TMEM132D: variants seen among roughly 807,000 people sequenced by gnomAD.
TMEM132D encodes mature OL transmembrane protein.
In TMEM132D, 21 loss-of-function variants were observed where a neutral mutation model predicts 62.3. The observed-to-expected ratio is 0.34, with a 90% CI of 0.24 to 0.49. The LOEUF (loss-of-function observed/expected upper bound fraction) is 0.49. TMEM132D is among the 20% of genes least tolerant of loss of function. TMEM132D has a pLI of 0.99. For missense variants in TMEM132D, 1,346 were observed against 1,402.8 expected, an observed-to-expected ratio of 0.96 and a Z score of 0.65; for synonymous variants, 621 against 575.6, an observed-to-expected ratio of 1.08 and a Z score of -1.13.
At chr12:129,336,893 C>G (rs1869299029) in intron 4 of TMEM132D, among the ~76,000 whole-genome samples, 1 of 152,194 alleles carries the variant, frequency 6.6e-6, no homozygotes, top group Non-Finnish European at 1.5e-5. Flanking sequence ...CCACTACTTG[C>G]TCAAGACAAA....
intron 5 of TMEM132D, among the ~76,000 whole-genome samples, chr12:129,102,468 CAT>C (rs1181739035): frequency 4.1e-5 from 6 of 147,500 alleles, no homozygotes; most frequent in South Asian, 4.5e-4. Context: ...CATGCATACA[CAT>C]GTACTCACAC....
chr12:129,310,786 T>G (rs1881953055), intron 4 of TMEM132D, among the ~76,000 whole-genome samples: 1 of 152,192 alleles, frequency 6.6e-6, no homozygotes, highest in African/African-American at 2.4e-5. Flanking sequence ...CCCAATTTAA[T>G]GAGCACTCTG....
At chr12:129,106,132 T>C (rs867240463) in intron 5 of TMEM132D, among the ~76,000 whole-genome samples, 5,100 of 150,692 alleles carry the variant, frequency 0.034, 276 homozygotes, top group African/African-American at 0.12. Context: ...ATGGATGAAA[T>C]TGGAAATCAT....
chr12:129,510,487 T>C (rs1052954372), intron 3 of TMEM132D, among the ~76,000 whole-genome samples: 2 of 152,182 alleles, frequency 1.3e-5, no homozygotes, highest in Admixed American at 6.5e-5. Context: ...TATCTGTCCG[T>C]GTTTGCTTTG....
intron 5 of TMEM132D, chr12:129,110,670 C>G (rs1875667095): frequency 6.6e-6 from 1 of 152,232 alleles, no homozygotes; most frequent in African/African-American, 2.4e-5. Context: ...GGGGAAGGAC[C>G]AAGGATGTGC....
chr12:129,625,486 C>T (rs1210437049), intron 2 of TMEM132D, among the ~76,000 whole-genome samples: 1 of 152,186 alleles, frequency 6.6e-6, no homozygotes, highest in African/African-American at 2.4e-5. Flanking sequence ...AATAAAACCT[C>T]CTGAAGCCCA....
chr12:129,892,141 TGA>T (rs1874944854), intron 1 of TMEM132D, among the ~76,000 whole-genome samples: 1 of 152,230 alleles, frequency 6.6e-6, no homozygotes, highest in South Asian at 2.1e-4. Context: ...AATTTAGCTC[TGA>T]GAGTCCTAAA....
chr12:129,519,184 TG>T (rs1268036944), intron 3 of TMEM132D, among the ~76,000 whole-genome samples: 1 of 152,212 alleles, frequency 6.6e-6, no homozygotes. Flanking sequence ...TGAACTTGGC[TG>T]GGGAAAAACA....
intron 1 of TMEM132D, among the ~76,000 whole-genome samples, chr12:129,845,421 A>G (rs939960833): frequency 2.0e-5 from 3 of 152,234 alleles, no homozygotes; most frequent in African/African-American, 7.2e-5. Context: ...AATAACAACA[A>G]AACCATTCAC....
At chr12:129,824,418 A>G (rs534219719) in intron 1 of TMEM132D, among the ~76,000 whole-genome samples, 31 of 152,308 alleles carry the variant, frequency 2.0e-4, no homozygotes, top group African/African-American at 7.2e-4. Context: ...AGATTGTGTT[A>G]CCGACTCAAT....
At chr12:129,141,529 T>G (rs1293650880) in intron 5 of TMEM132D, among the ~76,000 whole-genome samples, 1 of 152,128 alleles carries the variant, frequency 6.6e-6, no homozygotes, top group Non-Finnish European at 1.5e-5. Context: ...TCCAGGAAGG[T>G]TCCTTGGGGG....
At chr12:129,625,049 G>C (rs985128584) in intron 2 of TMEM132D, among the ~76,000 whole-genome samples, 2 of 152,216 alleles carry the variant, frequency 1.3e-5, no homozygotes, top group African/African-American at 4.8e-5. Context: ...TTTTCAACCT[G>C]ATTGGCATGG....
intron 2 of TMEM132D, among the ~76,000 whole-genome samples, chr12:129,572,202 C>T (rs1029884593): frequency 2.0e-5 from 3 of 152,200 alleles, no homozygotes; most frequent in Non-Finnish European, 4.4e-5. Flanking sequence ...ACTAGAGTCA[C>T]GTAGATTTGA....
intron 1 of TMEM132D, among the ~76,000 whole-genome samples, chr12:129,729,862 G>A (rs955134471): frequency 6.6e-6 from 1 of 152,128 alleles, no homozygotes; most frequent in Non-Finnish European, 1.5e-5. Context: ...CTCTGAGCTG[G>A]CCGCACCATG....
intron 2 of TMEM132D, among the ~76,000 whole-genome samples, chr12:129,686,479 C>T (rs936162656): frequency 2.0e-5 from 3 of 152,126 alleles, no homozygotes; most frequent in Non-Finnish European, 4.4e-5. Flanking sequence ...TGAGGCCTCC[C>T]CAGTCCTGCA....
chr12:129,357,531 A>G (rs1281410148), intron 3 of TMEM132D, among the ~76,000 whole-genome samples: 1 of 151,782 alleles, frequency 6.6e-6, no homozygotes, highest in Non-Finnish European at 1.5e-5. Context: ...GGAAGGAAAG[A>G]AAGGAAAGAA....
chr12:129,536,474 C>T (rs1461501348), intron 2 of TMEM132D, among the ~76,000 whole-genome samples: 3 of 152,162 alleles, frequency 2.0e-5, no homozygotes, highest in Non-Finnish European at 4.4e-5. Context: ...CTTCTAATTT[C>T]CAGTTGACCA....
chr12:129,143,512 C>CCT (rs1876803368), intron 5 of TMEM132D, among the ~76,000 whole-genome samples: 2 of 152,074 alleles, frequency 1.3e-5, no homozygotes, highest in Non-Finnish European at 2.9e-5. Flanking sequence ...GTCTTTTGAC[C>CCT]CATAATCAAG....
intron 1 of TMEM132D, among the ~76,000 whole-genome samples, chr12:129,855,118 G>GGGTGCCCTTGTAAC (rs1566009819): frequency 7.7e-6 from 1 of 129,456 alleles, no homozygotes; most frequent in Non-Finnish European, 1.7e-5. Context: ...GGAACGGGAT[G>GGGTGCCCTTGTAAC]GCTGCCCTTG....
Sources: allele counts gnomAD v4.1 joint callset (sites outside exome capture counted in the v4.1 genomes callset), GRCh38; gene constraint gnomAD v4.1.1; transcripts MANE v1.5; gene names NCBI Gene and HGNC (gene_info 2026-07-23, HGNC 2026-07-21).